ARAP2: variants seen among roughly 807,000 people sequenced by gnomAD.
The protein encoded by ARAP2 is ArfGAP with RhoGAP domain, ankyrin repeat and PH domain 2.
A neutral mutation model predicts 194.5 loss-of-function variants in ARAP2; 148 were observed. That is an observed-to-expected ratio of 0.76 (90% confidence interval 0.67 to 0.87). The LOEUF (loss-of-function observed/expected upper bound fraction) is 0.87. ARAP2 is among the 40% of genes least tolerant of loss of function. The pLI is 0.00. For missense variants in ARAP2, 2,128 were observed against 1,989.7 expected (o/e 1.07, Z -1.32); for synonymous variants, 695 against 683.5 (o/e 1.02, Z -0.26).
chr4:36,056,154 TATA>T (rs796985973), intron 2 of ARAP2, among the ~76,000 whole-genome samples: 6 of 152,350 alleles, frequency 3.9e-5, no homozygotes, highest in African/African-American at 1.4e-4. Flanking sequence ...AATATAAAAC[TATA>T]ATAATACAAA....
At chr4:36,032,870 G>A (rs76169177) in intron 5 of ARAP2, among the ~76,000 whole-genome samples, 292 of 152,002 alleles carry the variant, frequency 1.9e-3, no homozygotes, top group African/African-American at 6.5e-3. Flanking sequence ...TGTTCCCCTC[G>A]TTGTGTCCAT....
chr4:36,151,011 C>G lies in ARAP2; in HGVS notation c.2786G>C (p.Gly929Ala), dbSNP rs568893610. The change falls in exon 16 of 33, where the codon GGC becomes GCC. Residue 929 changes from glycine to alanine, a missense_variant. Physicochemically the swap from Gly to Ala is moderately conservative, Grantham distance 60. Transcript: ENST00000303965. ...TNKKWCVLEGGFLSYYENDKS... is the reference protein window; with the variant it reads ...TNKKWCVLEGAFLSYYENDKS... ...ATCATTTTCATAGTAACTCAAGAAG[C>G]CTCCTTCCAAAACACACCATTTTTT... The G allele has an allele frequency of 1.1e-5, 17 of 1,609,600 alleles. No individual in the cohort carries two copies. Among genetic ancestry groups the G allele is most frequent in the Non-Finnish European group, 1.4e-5 (17 of 1,178,430 alleles).
rs982929822 is a variant in ARAP2, at chr4:36,244,220, G to T, written c.-201C>A. 6.6e-6 allele frequency: 1 copy of T among 152,010 alleles called. No homozygotes were observed. The highest frequency in any genetic ancestry group is 1.5e-5 in the Non-Finnish European group (1 of 67,978). The allele number at this position is 152,010 out of a possible 1,614,324, so 9.4% of individuals were successfully genotyped here. ...GGAGTTCGAAAAGCGAGGTGAGGCG[G>T]CGCTGGGAAGCTCAGCGCCGGCGTC... On this transcript the variant is annotated 5_prime_UTR_variant, in exon 1 of 33. Transcript: ENST00000303965.
chr4:36,214,454 G>A lies in ARAP2; in HGVS notation c.932C>T (p.Ala311Val). The change falls in exon 3 of 33, where the codon GCT (alanine) becomes GTT (valine). Residue 311 changes from alanine to valine, a missense_variant. Physicochemically the swap from Ala to Val is moderately conservative, Grantham distance 64. Transcript: ENST00000303965. ...TGCCACAGATTTTTCAGTTGAGGTAGCAACATTTCTTCTTTCACGGAAATA... is the reference window on the plus strand; with the variant it reads ...TGCCACAGATTTTTCAGTTGAGGTAACAACATTTCTTCTTTCACGGAAATA... The part of the protein sequence containing the change: ...GSYFRERRNV[A>V]TSTEKSVAWQ... 7 of 1,593,630 alleles carry A rather than the reference G, an allele frequency of 4.4e-6. No individual in the cohort carries two copies. Among genetic ancestry groups the A allele is most frequent in the Non-Finnish European group, 6.0e-6 (7 of 1,167,952 alleles).
chr4:36,039,740 C>T (rs1004696085), intron 5 of ARAP2, among the ~76,000 whole-genome samples: 5 of 152,054 alleles, frequency 3.3e-5, no homozygotes, highest in Non-Finnish European at 1.5e-5. Flanking sequence ...ATACTCTTGA[C>T]TTAGCAAGTC....
chr4:36,105,615 T>C (rs1033593663), intron 27 of ARAP2, among the ~76,000 whole-genome samples: 1 of 151,980 alleles, frequency 6.6e-6, no homozygotes, highest in Non-Finnish European at 1.5e-5. Context: ...CACTGTACCA[T>C]TTCTTCTTGC....
chr4:36,059,045 C>A (rs1259244051), intron 1 of ARAP2, among the ~76,000 whole-genome samples: 1 of 152,136 alleles, frequency 6.6e-6, no homozygotes, highest in Non-Finnish European at 1.5e-5. Flanking sequence ...AAGGCCTTTT[C>A]ATGCCTAGTG....
At chr4:36,223,214 T>TAA (rs1749541474) in intron 2 of ARAP2, among the ~76,000 whole-genome samples, 1 of 152,274 alleles carries the variant, frequency 6.6e-6, no homozygotes, top group South Asian at 2.1e-4. Flanking sequence ...TTTAGTAAGT[T>TAA]AAAACTTATG....
intron 8 of ARAP2, among the ~76,000 whole-genome samples, chr4:36,014,670 C>A (rs946958919): frequency 6.6e-6 from 1 of 152,132 alleles, no homozygotes; most frequent in Non-Finnish European, 1.5e-5. Context: ...ATACCTAATT[C>A]TCTATCTGTT....
At chr4:36,079,172 T>TC (rs1728925209) in intron 31 of ARAP2, among the ~76,000 whole-genome samples, 1 of 18,224 alleles carries the variant, frequency 5.5e-5, no homozygotes, top group African/African-American at 1.7e-4. Context: ...AGACTCTGTC[T>TC]CAAAAAAAAA....
At chr4:36,181,452 C>T (rs1739228897) in intron 8 of ARAP2, among the ~76,000 whole-genome samples, 1 of 151,846 alleles carries the variant, frequency 6.6e-6, no homozygotes, top group Non-Finnish European at 1.5e-5. Context: ...CTCTGGACTA[C>T]TGGGTTTAGC....
At chr4:36,151,736 A>G (rs1731034749) in intron 15 of ARAP2, among the ~76,000 whole-genome samples, 1 of 152,160 alleles carries the variant, frequency 6.6e-6, no homozygotes, top group Non-Finnish European at 1.5e-5. Flanking sequence ...TCTGCAACTT[A>G]CTTTTAAGTG....
chr4:36,123,715 T>C (rs2109557166), intron 22 of ARAP2, among the ~76,000 whole-genome samples: 1 of 151,952 alleles, frequency 6.6e-6, no homozygotes, highest in East Asian at 1.9e-4. Flanking sequence ...TCCTAACACA[T>C]TTGATCTGTT....
At chr4:36,034,079 A>G (rs1719483523) in intron 5 of ARAP2, among the ~76,000 whole-genome samples, 1 of 152,108 alleles carries the variant, frequency 6.6e-6, no homozygotes. Flanking sequence ...CTTGGGTAAC[A>G]TGATACCTTC....
Position 36,229,504 on chromosome 4 carries a change from T to G in ARAP2, c.-18A>C. 6.4e-7 allele frequency: 1 copy of G among 1,564,634 alleles called. No individual in the cohort carries two copies. Among genetic ancestry groups the G allele is most frequent in the South Asian group, 1.2e-5 (1 of 84,100 alleles). On this transcript the variant is annotated 5_prime_UTR_variant, in exon 2 of 33. Coordinates refer to ENST00000303965, the MANE Select transcript of ARAP2 (RefSeq NM_015230.4). ...GAGGACATAATGGTGGCTTCATTAC[T>G]AAGCTGAGTTACAAAAAGTGGCACG...
chr4:36,222,457 GTTA>G (rs1749384973), intron 2 of ARAP2, among the ~76,000 whole-genome samples: 1 of 151,742 alleles, frequency 6.6e-6, no homozygotes, highest in South Asian at 2.1e-4. Context: ...CATTATACAA[GTTA>G]TTATATAAAA....
At chr4:36,106,992 G>A (rs1718584885) in intron 27 of ARAP2, among the ~76,000 whole-genome samples, 1 of 151,838 alleles carries the variant, frequency 6.6e-6, no homozygotes, top group Non-Finnish European at 1.5e-5. Flanking sequence ...AATTTTCTGA[G>A]ATCTCATAGA....
chr4:36,083,601 G>A (rs1730122778), intron 28 of ARAP2, 151 bp from the exon 29 acceptor site: 1 of 597,492 alleles, frequency 1.7e-6, no homozygotes, highest in African/African-American at 1.9e-5. Flanking sequence ...AGACTCTTTG[G>A]ATTTACAATG....
intron 6 of ARAP2, among the ~76,000 whole-genome samples, chr4:36,017,564 T>TAAAAAGAAAA (rs1716067454): frequency 2.3e-5 from 1 of 42,578 alleles, no homozygotes; most frequent in Non-Finnish European, 3.8e-5. Flanking sequence ...AAGAAAGTGG[T>TAAAAAGAAAA]AAAAAAAAAA....
Sources: gnomAD v4.1 joint callset for allele counts (sites outside exome capture counted in the v4.1 genomes callset) on GRCh38, gnomAD v4.1.1 for gene constraint, MANE v1.5 for transcripts, NCBI Gene and HGNC (gene_info 2026-07-23, HGNC 2026-07-21) for gene names.